Variants in ST8SIA6 observed in about 807,000 individuals in gnomAD.
ST8SIA6 encodes ST8 alpha-N-acetyl-neuraminide alpha-2,8-sialyltransferase 6, also known as alpha-2,8-sialyltransferase 8F.
ST8SIA6 carries 39 observed loss-of-function variants against 33.6 expected under a neutral mutation model. The ratio of observed to expected loss-of-function variants is 1.16; its 90% confidence interval spans 0.90 to 1.52. ST8SIA6 has a LOEUF of 1.52. Ranked by LOEUF, ST8SIA6 falls within the 40% of genes most tolerant of loss-of-function variation. The pLI is 0.00. For synonymous variants in ST8SIA6, 172 were observed against 167.2 expected (o/e 1.03, Z -0.22); for missense variants, 441 against 443.8 (o/e 0.99, Z 0.06).
At chr10:17,331,387 C>T (rs1848293602) in intron 5 of ST8SIA6, 21 bp downstream of exon 5, 1 of 1,587,820 alleles carries the variant, frequency 6.3e-7, no homozygotes, top group African/African-American at 1.4e-5. Flanking sequence ...CACAAATAAC[C>T]CACCAGAAAC....
intron 2 of ST8SIA6, among the ~76,000 whole-genome samples, chr10:17,433,015 GTC>G (rs1200121841): frequency 2.6e-5 from 4 of 152,082 alleles, no homozygotes; most frequent in Non-Finnish European, 5.9e-5. Flanking sequence ...CATCCCTGGA[GTC>G]TCTCTGAATC....
At position 17,318,343 on chromosome 10, in the gene ST8SIA6, G is replaced by A. The variant is rs1588767851; in HGVS notation, c.*2535C>T. On this transcript the variant is annotated 3_prime_UTR_variant, in exon 8 of 8. Coordinates refer to ENST00000377602, the MANE Select transcript of ST8SIA6 (RefSeq NM_001004470.3). The stretch of plus-strand genomic sequence containing the variant: ...TGAACCTCCCTCCTTAGCCTCCCAA[G>A]TAGCTGGGACCACAGGTGCACGCCA... 2 of 227,838 alleles carry A rather than the reference G, an allele frequency of 8.8e-6. No homozygotes were observed. Among genetic ancestry groups the A allele is most frequent in the East Asian group, 2.2e-4 (2 of 8,940 alleles). 14.1% of individuals were successfully genotyped at this position (227,838 alleles called of 1,614,324 possible).
intron 2 of ST8SIA6, among the ~76,000 whole-genome samples, chr10:17,433,718 G>C (rs1353669298): frequency 1.3e-5 from 2 of 152,196 alleles, no homozygotes; most frequent in African/African-American, 2.4e-5. Flanking sequence ...TGTAGCCCCA[G>C]TAATCTCTCC....
At chr10:17,384,567 A>G (rs911708025) in intron 3 of ST8SIA6, among the ~76,000 whole-genome samples, 16 of 152,070 alleles carry the variant, frequency 1.1e-4, no homozygotes, top group African/African-American at 3.6e-4. Context: ...TTTCTTTTCC[A>G]TTTTTATTAT....
In ST8SIA6 at chr10:17,340,212, G is replaced by T. The variant is rs117051355; in HGVS notation, c.378-8660C>A. Among the ~76,000 whole-genome samples the T allele has an allele frequency of 2.6e-5, 4 of 151,950 alleles. No homozygotes were observed. The East Asian group carries it at 7.7e-4, about 29-fold the overall frequency. ...CTTCGTCTCCTTGCCCCTAGTTTCCGTAAACAACCTTCCCACCAGTTCTCA... is the reference window on the plus strand; with the variant it reads ...CTTCGTCTCCTTGCCCCTAGTTTCCTTAAACAACCTTCCCACCAGTTCTCA... On this transcript the variant is annotated intron_variant, in intron 4 of 7. Transcript: ENST00000377602.
chr10:17,383,714 A>C (rs1332363181), intron 3 of ST8SIA6, among the ~76,000 whole-genome samples: 1 of 152,228 alleles, frequency 6.6e-6, no homozygotes, highest in African/African-American at 2.4e-5. Context: ...AGAATGCAGG[A>C]AAAACTTTCA....
Position 17,399,618 on chromosome 10 carries a change from T to G in ST8SIA6, c.201-8998A>C, listed in dbSNP as rs373369543. 3.9e-5 allele frequency among the ~76,000 whole-genome samples: 6 copies of G among 152,270 alleles called. No homozygotes were observed. In the East Asian group the frequency reaches 5.8e-4, roughly 15 times the overall value. On this transcript the variant is annotated intron_variant, in intron 2 of 7. Transcript: ENST00000377602. ...CTCCTACCATAGTTGCAAGATAGTT[T>G]TCAACAATGTAAAATCAGCCAGGTG...
chr10:17,340,842 C>G (rs1218347787), intron 4 of ST8SIA6, among the ~76,000 whole-genome samples: 3 of 152,298 alleles, frequency 2.0e-5, no homozygotes, highest in East Asian at 3.9e-4. Context: ...GCTCAAGGGG[C>G]CTTTCCATTG....
rs1238104972 is a variant in ST8SIA6 at position 17,319,009 on chromosome 10, C to CT, written c.*1868dup. On this transcript the variant is annotated 3_prime_UTR_variant, in exon 8 of 8. Coordinates refer to ENST00000377602, the MANE Select transcript of ST8SIA6 (RefSeq NM_001004470.3). ...ACTCCCTTTAGTTCTCTGCAACACA[C>CT]TGACTATGCTAGAAAGAGAGTAGGA... Among the ~76,000 whole-genome samples, 17 of 152,140 alleles carry CT rather than the reference C, an allele frequency of 1.1e-4. No individual in the cohort carries two copies. The highest frequency in any genetic ancestry group is 2.2e-4 in the Non-Finnish European group (15 of 68,016).
At chr10:17,375,488 G>A (rs973753164) in intron 3 of ST8SIA6, among the ~76,000 whole-genome samples, 6 of 152,198 alleles carry the variant, frequency 3.9e-5, no homozygotes, top group African/African-American at 1.2e-4. Context: ...ATTTCACCCT[G>A]CAAAACGGTG....
chr10:17,449,283 T>C (rs898577875), intron 2 of ST8SIA6, among the ~76,000 whole-genome samples: 1 of 151,980 alleles, frequency 6.6e-6, no homozygotes, highest in Non-Finnish European at 1.5e-5. Context: ...TGAAAATATA[T>C]ATAAATTGAG....
In ST8SIA6 at chr10:17,316,533, A is replaced by G. The variant is rs1265538618; in HGVS notation, c.*4345T>C. Reference sequence around the variant, plus strand: ...TCTTGGCTGTATATGCAAAAGTGCAATTACTGGACTATAGGACAGACATAT... The same window carrying G: ...TCTTGGCTGTATATGCAAAAGTGCAGTTACTGGACTATAGGACAGACATAT... On this transcript the variant is annotated 3_prime_UTR_variant, in exon 8 of 8. Coordinates refer to ENST00000377602, the MANE Select transcript of ST8SIA6 (RefSeq NM_001004470.3). Among the ~76,000 whole-genome samples, 1 of 152,124 alleles carries G rather than the reference A, an allele frequency of 6.6e-6. No individual in the cohort carries two copies. Among genetic ancestry groups the G allele is most frequent in the African/African-American group, 2.4e-5 (1 of 41,452 alleles).
chr10:17,447,712 A>G (rs1286564453), intron 2 of ST8SIA6, among the ~76,000 whole-genome samples: 1 of 152,234 alleles, frequency 6.6e-6, no homozygotes, highest in East Asian at 1.9e-4. Flanking sequence ...TAATTTTCAT[A>G]GGAAAAAGTG....
intron 2 of ST8SIA6, among the ~76,000 whole-genome samples, chr10:17,416,745 C>T (rs906200684): frequency 6.6e-6 from 1 of 152,192 alleles, no homozygotes; most frequent in African/African-American, 2.4e-5. Flanking sequence ...CTTTCTGCTT[C>T]AATTGCCTGA....
At chr10:17,382,693 C>G (rs75857823) in intron 3 of ST8SIA6, among the ~76,000 whole-genome samples, 8 of 152,066 alleles carry the variant, frequency 5.3e-5, no homozygotes, top group African/African-American at 1.2e-4. Flanking sequence ...CTTCAGGCCC[C>G]GTACAAGATG....
chr10:17,359,417 G>T, intron 4 of ST8SIA6, 97 bp downstream of exon 4: 1 of 947,982 alleles, frequency 1.1e-6, no homozygotes, highest in Non-Finnish European at 1.6e-6. Flanking sequence ...GCTGGGGTTG[G>T]TTCTACTTCT....
At chr10:17,415,607 C>T (rs1207695157) in intron 2 of ST8SIA6, among the ~76,000 whole-genome samples, 1 of 152,088 alleles carries the variant, frequency 6.6e-6, no homozygotes, top group African/African-American at 2.4e-5. Context: ...TCATTGGACA[C>T]TCACCTTCCT....
intron 2 of ST8SIA6, among the ~76,000 whole-genome samples, chr10:17,439,319 A>G (rs12252590): frequency 0.36 from 50,385 of 141,050 alleles, 11,471 homozygotes; most frequent in African/African-American, 0.66. Flanking sequence ...TCTCTCTGTC[A>G]CCCAGACTGG....
intron 2 of ST8SIA6, among the ~76,000 whole-genome samples, chr10:17,402,028 A>C (rs959394457): frequency 6.6e-5 from 10 of 152,148 alleles, no homozygotes; most frequent in African/African-American, 2.4e-4. Flanking sequence ...TTTGCAATCT[A>C]CTCATCTGAC....
Sources: gnomAD v4.1 joint callset for allele counts (sites outside exome capture counted in the v4.1 genomes callset) on GRCh38, gnomAD v4.1.1 for gene constraint, MANE v1.5 for transcripts, NCBI Gene and HGNC (gene_info 2026-07-23, HGNC 2026-07-21) for gene names.